Variants in ANKS1B observed in about 807,000 individuals in gnomAD.
ANKS1B encodes the protein ankyrin repeat and sterile alpha motif domain-containing protein 1B.
ANKS1B carries 36 observed loss-of-function variants against 148.3 expected under a neutral mutation model. That is an observed-to-expected ratio of 0.24 (90% CI 0.19 to 0.32). The LOEUF (loss-of-function observed/expected upper bound fraction) is 0.32, where lower values mean the gene tolerates loss of function less well. Among genes scored for constraint, ANKS1B ranks in the 10% least tolerant of loss-of-function variants. ANKS1B has a pLI of 1.00. For missense variants in ANKS1B, 1,157 were observed against 1,542.6 expected, an observed-to-expected ratio of 0.75 and a Z score of 4.19; for synonymous variants, 542 against 560.8, an observed-to-expected ratio of 0.97 and a Z score of 0.47.
chr12:99,608,576 C>T (rs924109321), intron 9 of ANKS1B, among the ~76,000 whole-genome samples: 1 of 152,040 alleles, frequency 6.6e-6, no homozygotes, highest in African/African-American at 2.4e-5. Flanking sequence ...AAGTCAAATG[C>T]CTTCTCACAG....
chr12:99,350,344 T>G (rs2091271002), intron 12 of ANKS1B, among the ~76,000 whole-genome samples: 1 of 152,034 alleles, frequency 6.6e-6, no homozygotes. Context: ...CAGGTATTTT[T>G]TTTATAGCCG....
intron 9 of ANKS1B, among the ~76,000 whole-genome samples, chr12:99,569,033 T>C (rs1437300420): frequency 6.6e-6 from 1 of 152,200 alleles, no homozygotes; most frequent in Non-Finnish European, 1.5e-5. Context: ...TTGGTTAGTT[T>C]TTCTACCTCC....
chr12:99,920,243 GATA>G (rs1444314950), intron 1 of ANKS1B, among the ~76,000 whole-genome samples: 1 of 152,078 alleles, frequency 6.6e-6, no homozygotes, highest in Admixed American at 6.6e-5. Context: ...TGAATAAGCG[GATA>G]AATAACTCCC....
At chr12:99,696,828 T>C (rs977778289) in intron 8 of ANKS1B, among the ~76,000 whole-genome samples, 1 of 152,126 alleles carries the variant, frequency 6.6e-6, no homozygotes, top group Non-Finnish European at 1.5e-5. Context: ...GCAAAACACA[T>C]ATCTGATAAA....
At chr12:99,639,501 T>C (rs935211852) in intron 9 of ANKS1B, among the ~76,000 whole-genome samples, 16 of 152,088 alleles carry the variant, frequency 1.1e-4, no homozygotes, top group African/African-American at 2.7e-4. Context: ...TGGAATGATA[T>C]GGTTTGCTTG....
At chr12:99,164,946 C>A (rs752294338) in intron 14 of ANKS1B, among the ~76,000 whole-genome samples, 2 of 151,976 alleles carry the variant, frequency 1.3e-5, no homozygotes, top group African/African-American at 2.4e-5. Context: ...ATCCTTATAA[C>A]CATCTTAATC....
At chr12:99,699,568 T>C (rs1196412120) in intron 8 of ANKS1B, among the ~76,000 whole-genome samples, 1 of 152,148 alleles carries the variant, frequency 6.6e-6, no homozygotes, top group Non-Finnish European at 1.5e-5. Flanking sequence ...CCTTAATAAA[T>C]GTGAAAGAAC....
rs80254428 is a variant in ANKS1B, at chr12:99,367,139, G to C, written c.1756+32492C>G. Among the ~76,000 whole-genome samples, 1,391 of 152,206 alleles carry C rather than the reference G, an allele frequency of 9.1e-3. 80 individuals carry two copies. Among genetic ancestry groups the C allele is most frequent in the Admixed American group, 0.077 (1,179 of 15,278 alleles). On this transcript the variant is annotated intron_variant, in intron 12 of 26. Transcript: ENST00000683438. ...ACATTGCCAAAAAACGTGGGGAGAG[G>C]AGTGAGGAGGGAGGCAAAATCATCC...
intron 8 of ANKS1B, among the ~76,000 whole-genome samples, chr12:99,771,202 C>G (rs538608511): frequency 3.5e-4 from 53 of 152,158 alleles, no homozygotes; most frequent in African/African-American, 1.3e-3. Flanking sequence ...TACACTTATT[C>G]TCTACCTTCC....
chr12:99,293,189 A>G (rs1030219224), intron 12 of ANKS1B, among the ~76,000 whole-genome samples: 1 of 152,218 alleles, frequency 6.6e-6, no homozygotes, highest in Non-Finnish European at 1.5e-5. Flanking sequence ...GGGTGAGTTC[A>G]TGTCCTTTGC....
At chr12:99,749,260 C>T (rs1444199940) in intron 8 of ANKS1B, among the ~76,000 whole-genome samples, 1 of 152,052 alleles carries the variant, frequency 6.6e-6, no homozygotes, top group Non-Finnish European at 1.5e-5. Context: ...TGTGATCAAA[C>T]TTAGAAATCT....
intron 17 of ANKS1B, among the ~76,000 whole-genome samples, chr12:98,877,473 T>C (rs1408130363): frequency 1.3e-5 from 2 of 152,242 alleles, no homozygotes; most frequent in Admixed American, 1.3e-4. Context: ...ATTCAGTAAG[T>C]GAAAACTAAC....
At chr12:99,669,367 TGGACATCGTTGTG>T (rs2098525606) in intron 8 of ANKS1B, among the ~76,000 whole-genome samples, 1 of 152,180 alleles carries the variant, frequency 6.6e-6, no homozygotes, top group Non-Finnish European at 1.5e-5. Flanking sequence ...TAAAAATTAC[TGGACATCGTTGTG>T]GCATAGAGTA....
intron 1 of ANKS1B, among the ~76,000 whole-genome samples, chr12:99,859,997 C>G (rs143739580): frequency 6.6e-6 from 1 of 152,242 alleles, no homozygotes; most frequent in East Asian, 1.9e-4. Flanking sequence ...CAGAAATTCT[C>G]AAGAATTACT....
At chr12:99,778,783 A>G (rs1202543699) in intron 6 of ANKS1B, among the ~76,000 whole-genome samples, 1 of 152,194 alleles carries the variant, frequency 6.6e-6, no homozygotes, top group Non-Finnish European at 1.5e-5. Context: ...TAGAGAAGAG[A>G]GCATAATGGC....
chr12:99,070,752 C>T (rs748297472), intron 16 of ANKS1B, among the ~76,000 whole-genome samples: 30 of 152,172 alleles, frequency 2.0e-4, no homozygotes, highest in Non-Finnish European at 3.1e-4. Flanking sequence ...GATCATAGCT[C>T]TCTGCTCTCT....
At chr12:99,087,005 G>A (rs1385288132) in intron 15 of ANKS1B, among the ~76,000 whole-genome samples, 1 of 152,132 alleles carries the variant, frequency 6.6e-6, no homozygotes, top group African/African-American at 2.4e-5. Flanking sequence ...AGTCACAGGA[G>A]CAAAAAGAAG....
chr12:99,937,762 T>C (rs1321070964), intron 1 of ANKS1B, among the ~76,000 whole-genome samples: 3 of 152,182 alleles, frequency 2.0e-5, no homozygotes, highest in Admixed American at 1.3e-4. Flanking sequence ...CTTTCTTTGA[T>C]ACTAGATTTA....
chr12:98,967,912 T>A (rs1308464639), intron 17 of ANKS1B, among the ~76,000 whole-genome samples: 1 of 152,018 alleles, frequency 6.6e-6, no homozygotes, highest in Non-Finnish European at 1.5e-5. Context: ...ATGTTAGAAG[T>A]TAGGCCTCAT....
Sources: allele counts gnomAD v4.1 joint callset (sites outside exome capture counted in the v4.1 genomes callset), GRCh38; gene constraint gnomAD v4.1.1; transcripts MANE v1.5; gene names NCBI Gene and HGNC (gene_info 2026-07-23, HGNC 2026-07-21).